RYR2: variants seen among roughly 807,000 people sequenced by gnomAD.
RYR2 encodes the protein cardiac muscle ryanodine receptor-calcium release channel.
A neutral mutation model predicts 601.1 loss-of-function variants in RYR2; 227 were observed. The ratio of observed to expected loss-of-function variants is 0.38; its 90% confidence interval spans 0.34 to 0.42. The LOEUF (loss-of-function observed/expected upper bound fraction) is 0.42, where lower values mean the gene tolerates loss of function less well. Among genes scored for constraint, RYR2 ranks in the 10% least tolerant of loss-of-function variants. RYR2 has a pLI of 1.00. For missense variants in RYR2, 4,646 were observed against 6,156.5 expected, an observed-to-expected ratio of 0.75 and a Z score of 8.21; for synonymous variants, 2,223 against 2,175.1, an observed-to-expected ratio of 1.02 and a Z score of -0.61.
rs1361314745 is a variant in RYR2, at chr1:237,795,996, ATG to A, written c.13956+669_13956+670del. ...TGTATATATGTATATACATATATAA[ATG>A]TGTACATGTACATATATGTATATTT... On this transcript the variant is annotated intron_variant, in intron 96 of 104. Coordinates refer to ENST00000366574, the MANE Select transcript of RYR2 (RefSeq NM_001035.3). Among the ~76,000 whole-genome samples, 98 of 149,728 alleles carry A rather than the reference ATG, an allele frequency of 6.5e-4. 1 individual carries two copies. The highest frequency in any genetic ancestry group is 2.3e-3 in the African/African-American group (94 of 40,902).
intron 1 of RYR2, among the ~76,000 whole-genome samples, chr1:237,065,269 C>CTTTTTTTTTTTTTTTTTTTTTT (rs766039441): frequency 1.3e-5 from 1 of 77,506 alleles, no homozygotes; most frequent in African/African-American, 5.2e-5. Flanking sequence ...GTGTGCTATC[C>CTTTTTTTTTTTTTTTTTTTTTT]TTTTTTTTTT....
chr1:237,602,300 C>T (rs1344990126), intron 35 of RYR2, among the ~76,000 whole-genome samples, 189 bp downstream of exon 35: 1 of 151,916 alleles, frequency 6.6e-6, no homozygotes, highest in Non-Finnish European at 1.5e-5. Flanking sequence ...AAAAGTGTTT[C>T]TCTTTAGTTA....
intron 1 of RYR2, among the ~76,000 whole-genome samples, chr1:237,249,445 G>A (rs1490852843): frequency 6.9e-6 from 1 of 144,150 alleles, no homozygotes; most frequent in Non-Finnish European, 1.5e-5. Flanking sequence ...ATTAGTATTA[G>A]TAACTATATT....
intron 1 of RYR2, among the ~76,000 whole-genome samples, chr1:237,150,431 TGG>T (rs1344034590): frequency 2.0e-5 from 3 of 152,206 alleles, no homozygotes; most frequent in African/African-American, 7.2e-5. Flanking sequence ...TAGATAGGGC[TGG>T]GATGGAATCT....
intron 68 of RYR2, among the ~76,000 whole-genome samples, chr1:237,708,469 T>C (rs1000839785): frequency 5.3e-5 from 8 of 152,326 alleles, no homozygotes; most frequent in African/African-American, 1.9e-4. Flanking sequence ...ATAGTTAAAA[T>C]GAGATAACTG....
intron 15 of RYR2, 44 bp downstream of exon 15, chr1:237,454,618 T>G (rs1468247355): frequency 6.3e-7 from 1 of 1,582,938 alleles, no homozygotes; most frequent in Non-Finnish European, 8.6e-7. Context: ...TATTCTCTTG[T>G]AAAAACAGCT....
chr1:237,599,365 T>A lies in RYR2; in HGVS notation c.4597-2660T>A, dbSNP rs558289752. Among the ~76,000 whole-genome samples the A allele has an allele frequency of 3.9e-5, 6 of 152,252 alleles. 1 individual carries two copies. Among genetic ancestry groups the A allele is most frequent in the African/African-American group, 1.4e-4 (6 of 41,542 alleles). On this transcript the variant is annotated intron_variant, in intron 34 of 104. Coordinates refer to ENST00000366574, the MANE Select transcript of RYR2 (RefSeq NM_001035.3). The stretch of plus-strand genomic sequence containing the variant: ...TTTGTAGATGACATGATCCTATATA[T>A]AAAAATACCTTTAAAAGTTTACTAA...
At position 237,714,990 on chromosome 1, in the gene RYR2, T is replaced by TTAAAAAA. The variant is rs1558274627; in HGVS notation, c.10324-2208_10324-2207insTAAAAAA. 2.2e-5 allele frequency among the ~76,000 whole-genome samples: 2 copies of TTAAAAAA among 89,400 alleles called. 1 individual carries two copies. The allele number at this position is 89,400 out of a possible 152,430, so 58.6% of individuals were successfully genotyped here. On this transcript the variant is annotated intron_variant, in intron 71 of 104. Transcript: ENST00000366574. Reference sequence around the variant, plus strand: ...CCTGGTGACAGAGCGAGACTCCATCTCAAAAAAAAAAAAAAAAAAAAAAAA... The same window carrying TTAAAAAA: ...CCTGGTGACAGAGCGAGACTCCATCTTAAAAAACAAAAAAAAAAAAAAAAAAAAAAAA...
chr1:237,409,598 A>G (rs997241542), intron 10 of RYR2, among the ~76,000 whole-genome samples: 18 of 152,276 alleles, frequency 1.2e-4, no homozygotes, highest in African/African-American at 4.1e-4. Flanking sequence ...TATGACATTT[A>G]TAATATATTT....
chr1:237,725,514 G>A (rs1485121314), intron 74 of RYR2, among the ~76,000 whole-genome samples: 4 of 152,040 alleles, frequency 2.6e-5, no homozygotes, highest in African/African-American at 9.7e-5. Flanking sequence ...ATTTTGTGTT[G>A]TATATCTGGT....
At chr1:237,672,284 TTCTC>T (rs1479509499) in intron 58 of RYR2, among the ~76,000 whole-genome samples, 2 of 152,258 alleles carry the variant, frequency 1.3e-5, no homozygotes, top group East Asian at 3.9e-4. Flanking sequence ...ATCTTTCTCT[TTCTC>T]TCCCCACTTC....
Position 237,461,566 on chromosome 1 carries a change from C to A in RYR2, c.1612+4831C>A, listed in dbSNP as rs546905014. Among the ~76,000 whole-genome samples, 5 of 152,140 alleles carry A rather than the reference C, an allele frequency of 3.3e-5. No homozygotes were observed. The East Asian group carries it at 9.7e-4, about 29-fold the overall frequency. ...GATGTCGCTGATTCTGTCTAGTTAG[C>A]GGGCTACAACTTGGGAGAGAGATCT... On this transcript the variant is annotated intron_variant, in intron 16 of 104. Transcript: ENST00000366574.
chr1:237,477,467 C>T (rs1661544038), intron 17 of RYR2, among the ~76,000 whole-genome samples: 1 of 152,128 alleles, frequency 6.6e-6, no homozygotes, highest in Admixed American at 6.5e-5. Flanking sequence ...TTTCTAGTCT[C>T]CTTTGGGAAC....
intron 1 of RYR2, among the ~76,000 whole-genome samples, chr1:237,061,539 T>G (rs1402172679): frequency 1.3e-5 from 2 of 152,194 alleles, no homozygotes; most frequent in Non-Finnish European, 2.9e-5. Context: ...CTCAATCTCC[T>G]GGCTTCAAGT....
chr1:237,077,020 A>C (rs1404136949), intron 1 of RYR2, among the ~76,000 whole-genome samples: 1 of 25,400 alleles, frequency 3.9e-5, no homozygotes, highest in African/African-American at 1.2e-4. Context: ...ATATCCAGCC[A>C]AACTAAGCTT....
intron 1 of RYR2, among the ~76,000 whole-genome samples, chr1:237,210,454 C>T (rs640915): frequency 0.37 from 56,300 of 151,960 alleles, 12,502 homozygotes; most frequent in Admixed American, 0.49. Context: ...ATAGCAATCC[C>T]TGGCCAATTT....
intron 2 of RYR2, among the ~76,000 whole-genome samples, chr1:237,292,716 A>G (rs1214648840): frequency 6.6e-6 from 1 of 152,218 alleles, no homozygotes; most frequent in Non-Finnish European, 1.5e-5. Context: ...GTTACACGTT[A>G]AAATTCTGCA....
chr1:237,572,747 T>C (rs1006090662), intron 29 of RYR2, among the ~76,000 whole-genome samples: 3 of 152,072 alleles, frequency 2.0e-5, no homozygotes, highest in African/African-American at 7.2e-5. Flanking sequence ...AGTAGTAACT[T>C]TGTAGGGGTC....
In RYR2 at chr1:237,716,179, C is replaced by T. The variant is rs1386092512; in HGVS notation, c.10324-1019C>T. Among the ~76,000 whole-genome samples the T allele has an allele frequency of 2.6e-5, 4 of 152,118 alleles. No individual in the cohort carries two copies. In the East Asian group the frequency reaches 7.7e-4, roughly 29 times the overall value. On this transcript the variant is annotated intron_variant, in intron 71 of 104. Coordinates refer to ENST00000366574, the MANE Select transcript of RYR2 (RefSeq NM_001035.3). The stretch of plus-strand genomic sequence containing the variant: ...ATAAGCTATCATTGCTATATGGTGA[C>T]TCACTTGTTTCACTACTTTCACTAT...
Sources: gnomAD v4.1 joint callset for allele counts (sites outside exome capture counted in the v4.1 genomes callset) on GRCh38, gnomAD v4.1.1 for gene constraint, MANE v1.5 for transcripts, NCBI Gene and HGNC (gene_info 2026-07-23, HGNC 2026-07-21) for gene names.